FAM86B2: variants seen among roughly 807,000 people sequenced by gnomAD.
The protein encoded by FAM86B2 is family with sequence similarity 86 member B2.
In FAM86B2, 1 loss-of-function variant was observed where a neutral mutation model predicts 26.5. That is an observed-to-expected ratio of 0.04 (90% confidence interval 0.01 to 0.18). The LOEUF is 0.18. Ranked by LOEUF, FAM86B2 falls within the 10% of genes least tolerant of loss-of-function variation. FAM86B2 has a pLI of 1.00. For synonymous variants in FAM86B2, 11 were observed against 127.8 expected (o/e 0.09, Z 6.17); for missense variants, 43 against 303.5 (o/e 0.14, Z 6.38).
chr8:12,429,795 A>T (rs1353649378), intron 4 of FAM86B2, among the ~76,000 whole-genome samples: 1 of 8,230 alleles, frequency 1.2e-4, no homozygotes. Flanking sequence ...CCACTACCAC[A>T]CCCCGTTAAT....
Position 12,435,708 on chromosome 8 carries a change from G to GA in FAM86B2, c.96+539dup, listed in dbSNP as rs1386553181. On this transcript the variant is annotated intron_variant, in intron 1 of 7. Transcript: ENST00000262365. ...GCTGCCTGCCATGTGCCTGTGCTGA[G>GA]AATGGCAGGTCCCCAGGGAGAGGAG... Among the ~76,000 whole-genome samples, 9 of 141,268 alleles carry GA rather than the reference G, an allele frequency of 6.4e-5. No individual in the cohort carries two copies. The East Asian group carries it at 1.8e-3, about 29-fold the overall frequency. 92.7% of individuals were successfully genotyped at this position (141,268 alleles called of 152,430 possible).
intron 3 of FAM86B2, among the ~76,000 whole-genome samples, chr8:12,430,712 A>AT: frequency 2.0e-5 from 1 of 49,548 alleles, no homozygotes; most frequent in African/African-American, 2.9e-5. Flanking sequence ...TCTAAAAAAA[A>AT]AATTATTCCA....
At position 12,434,809 on chromosome 8, in the gene FAM86B2, G is replaced by A. The variant is rs561465513; in HGVS notation, c.97-695C>T. ...CCATGGCTGGCTGCTTCACCACTCA[G>A]GCCCCAGTTCAAATGCCACCTCTTT... is the stretch of plus-strand genomic sequence containing the variant. On this transcript the variant is annotated intron_variant, in intron 1 of 7. Coordinates refer to ENST00000262365, the MANE Select transcript of FAM86B2 (RefSeq NM_001137610.3). 4.6e-4 allele frequency among the ~76,000 whole-genome samples: 68 copies of A among 146,418 alleles called. No individual in the cohort carries two copies. The South Asian group carries it at 0.015, about 31-fold the overall frequency.
rs1437262456 is a variant in FAM86B2 at position 12,427,686 on chromosome 8, T to C, written c.863A>G (p.Glu288Gly). The part of the protein sequence containing the change: ...VYVAFTVRNP[E>G]TCQLFTTELG... ...CTCGGTGGTGAACAGCTGGCATGTCTCTGGGTTGCGGACGGTAAAGGCCAC... is the reference window on the plus strand; with the variant it reads ...CTCGGTGGTGAACAGCTGGCATGTCCCTGGGTTGCGGACGGTAAAGGCCAC... The change falls in exon 7 of 8, where the codon GAG (glutamate) becomes GGG (glycine). Residue 288 changes from glutamate to glycine, a missense_variant. Coordinates refer to ENST00000262365, the MANE Select transcript of FAM86B2 (RefSeq NM_001137610.3). The C allele has an allele frequency of 1.3e-5, 14 of 1,102,030 alleles. 3 individuals carry two copies. The highest frequency in any genetic ancestry group is 1.5e-5 in the South Asian group (1 of 67,632). 68.3% of individuals were successfully genotyped at this position (1,102,030 alleles called of 1,614,324 possible).
chr8:12,435,548 T>G (rs1798598179), intron 1 of FAM86B2, among the ~76,000 whole-genome samples: 1 of 137,760 alleles, frequency 7.3e-6, no homozygotes, highest in African/African-American at 2.7e-5. Context: ...TGCAAATGAT[T>G]AAGCAACACC....
rs1388223316 is a variant in FAM86B2 at position 12,428,988 on chromosome 8, T to A, written c.469A>T (p.Ile157Phe). Residue 157 changes from isoleucine (I) to phenylalanine (F), a missense_variant, in exon 5 of 8, where the codon ATT becomes TTT. Transcript: ENST00000262365. ...CCTGTGCCCCAAGGTCACCTGTTAA[T>A]GAAGGCTGCCGGGTTCTCGATGGCC... Reference protein sequence around the residue: ...EWAIENPAAFINRTVLELGSG... With the variant: ...EWAIENPAAFFNRTVLELGSG... 3.3e-6 allele frequency: 2 copies of A among 614,334 alleles called. No individual in the cohort carries two copies. Among genetic ancestry groups the A allele is most frequent in the East Asian group, 7.8e-5 (2 of 25,604 alleles). The allele number at this position is 614,334 out of a possible 1,614,324, so 38.1% of individuals were successfully genotyped here.
chr8:12,428,456 G>T (rs1812998349), intron 6 of FAM86B2, among the ~76,000 whole-genome samples, 177 bp downstream of exon 6: 1 of 152,052 alleles, frequency 6.6e-6, no homozygotes, highest in South Asian at 2.1e-4. Flanking sequence ...TGGCTTGAAG[G>T]TCACCTTAAG....
chr8:12,426,357 A>G (rs1290685982), intron 7 of FAM86B2, among the ~76,000 whole-genome samples: 3 of 148,280 alleles, frequency 2.0e-5, no homozygotes, highest in Non-Finnish European at 4.5e-5. Flanking sequence ...CTGTCTCAAA[A>G]AAAAAAAAAG....
chr8:12,435,321 C>T (rs1225759476), intron 1 of FAM86B2, among the ~76,000 whole-genome samples: 17 of 114,866 alleles, frequency 1.5e-4, no homozygotes, highest in African/African-American at 5.7e-4. Flanking sequence ...AACAATCCCT[C>T]TGGTCAAATG....
chr8:12,428,476 T>C (rs1411110841), intron 6 of FAM86B2, among the ~76,000 whole-genome samples, 157 bp downstream of exon 6: 4 of 151,970 alleles, frequency 2.6e-5, no homozygotes, highest in Non-Finnish European at 2.9e-5. Context: ...GAGGCACCCC[T>C]GTCCTTTGAT....
chr8:12,435,425 A>G (rs1798588066), intron 1 of FAM86B2, among the ~76,000 whole-genome samples: 1 of 114,674 alleles, frequency 8.7e-6, no homozygotes, highest in Non-Finnish European at 1.9e-5. Flanking sequence ...GTCAATATTG[A>G]ATGGAGACCT....
chr8:12,428,526 A>T, intron 6 of FAM86B2, 107 bp downstream of exon 6: 3 of 1,524,096 alleles, frequency 2.0e-6, no homozygotes, highest in South Asian at 2.4e-5. Context: ...TGGAAGCCCC[A>T]TCACGTCCAT....
At chr8:12,426,372 G>A (rs1383303331) in intron 7 of FAM86B2, among the ~76,000 whole-genome samples, 1 of 146,144 alleles carries the variant, frequency 6.8e-6, no homozygotes, top group African/African-American at 2.6e-5. Context: ...AAAAAGGTTG[G>A]TTGAGGCTTA....
At chr8:12,434,901 C>A (rs1798533684) in intron 1 of FAM86B2, among the ~76,000 whole-genome samples, 2 of 151,692 alleles carry the variant, frequency 1.3e-5, no homozygotes, top group African/African-American at 4.9e-5. Context: ...TCACCATTTC[C>A]CTGTTTTATT....
intron 1 of FAM86B2, among the ~76,000 whole-genome samples, chr8:12,434,829 C>G (rs1271719881): frequency 1.3e-5 from 2 of 149,694 alleles, no homozygotes; most frequent in Non-Finnish European, 3.0e-5. Context: ...CAAATGCCAC[C>G]TCTTTGGGGA....
chr8:12,426,379 C>T (rs1812639292), intron 7 of FAM86B2, among the ~76,000 whole-genome samples: 3 of 143,698 alleles, frequency 2.1e-5, no homozygotes, highest in East Asian at 4.1e-4. Flanking sequence ...TTGGTTGAGG[C>T]TTATACTATG....
intron 1 of FAM86B2, among the ~76,000 whole-genome samples, chr8:12,435,011 C>T (rs1798545323): frequency 6.6e-6 from 1 of 150,630 alleles, no homozygotes; most frequent in East Asian, 1.9e-4. Context: ...TACTGCCGAT[C>T]CATGGTGCCT....
chr8:12,435,019 C>T (rs1248188793), intron 1 of FAM86B2, among the ~76,000 whole-genome samples: 1 of 150,160 alleles, frequency 6.7e-6, no homozygotes, highest in Non-Finnish European at 1.5e-5. Flanking sequence ...ATCCATGGTG[C>T]CTGGCTCACG....
In FAM86B2 at chr8:12,425,979, C is replaced by T. The variant is rs1364320444; in HGVS notation, c.903G>A (p.Gly301=). The T allele has an allele frequency of 4.6e-6, 2 of 436,982 alleles. No homozygotes were observed. Among genetic ancestry groups the T allele is most frequent in the Non-Finnish European group, 7.9e-6 (2 of 252,936 alleles). 27.1% of individuals were successfully genotyped at this position (436,982 alleles called of 1,614,324 possible). Residue 301 remains glycine, a synonymous_variant, in exon 8 of 8, where the codon GGG becomes GGA. Coordinates refer to ENST00000262365, the MANE Select transcript of FAM86B2 (RefSeq NM_001137610.3). ...QLFTTELGRD[G]IRWEAEAHHD... ...GATGAGCTTCCGCTTCCCATCTGATCCCATCCCGGCCTGGAAACAAAGCAC... is the reference window on the plus strand; with the variant it reads ...GATGAGCTTCCGCTTCCCATCTGATTCCATCCCGGCCTGGAAACAAAGCAC...
Sources: allele counts gnomAD v4.1 joint callset (sites outside exome capture counted in the v4.1 genomes callset), GRCh38; gene constraint gnomAD v4.1.1; transcripts MANE v1.5; gene names NCBI Gene and HGNC (gene_info 2026-07-23, HGNC 2026-07-21).